Variants in ANK2 observed in about 807,000 individuals in gnomAD.
ANK2 encodes the protein ankyrin 2.
Under a neutral mutation model 360.5 loss-of-function variants are expected in ANK2, and 83 were observed. The ratio of observed to expected loss-of-function variants is 0.23; its 90% confidence interval spans 0.19 to 0.28. ANK2 has a LOEUF of 0.28. Ranked by LOEUF, ANK2 falls within the 10% of genes least tolerant of loss-of-function variation. The pLI is 1.00. For synonymous variants in ANK2, 1,740 were observed against 1,759.5 expected (o/e 0.99, Z 0.28); for missense variants, 4,201 against 4,795.7 (o/e 0.88, Z 3.66).
At chr4:113,151,640 T>C (rs1162348812) in intron 1 of ANK2, among the ~76,000 whole-genome samples, 1 of 152,180 alleles carries the variant, frequency 6.6e-6, no homozygotes, top group Non-Finnish European at 1.5e-5. Flanking sequence ...GAGTCAAATA[T>C]GGAAACCACA....
At chr4:113,013,625 A>G (rs1240698010) in intron 2 of ANK2, among the ~76,000 whole-genome samples, 2 of 152,256 alleles carry the variant, frequency 1.3e-5, no homozygotes, top group African/African-American at 4.8e-5. Context: ...ATAAAGAGAC[A>G]TAAAACATAT....
intron 2 of ANK2, among the ~76,000 whole-genome samples, chr4:112,956,976 T>G (rs1288392718): frequency 6.6e-6 from 1 of 151,686 alleles, no homozygotes; most frequent in Non-Finnish European, 1.5e-5. Context: ...TAAATTATTG[T>G]ATCCTCTAAA....
chr4:113,203,508 A>G (rs1333407667), intron 4 of ANK2, among the ~76,000 whole-genome samples: 4 of 151,728 alleles, frequency 2.6e-5, no homozygotes, highest in African/African-American at 9.7e-5. Context: ...TTTTTCTCAC[A>G]CTTCTTTATA....
the ANK2 span, among the ~76,000 whole-genome samples, chr4:112,751,343 C>T: frequency 6.6e-6 from 1 of 152,218 alleles, no homozygotes; most frequent in African/African-American, 2.4e-5. Flanking sequence ...GCACAGTTAA[C>T]AGCACTGGAA....
chr4:112,969,031 C>T (rs2038431333), intron 2 of ANK2, among the ~76,000 whole-genome samples: 3 of 152,076 alleles, frequency 2.0e-5, no homozygotes, highest in Admixed American at 2.0e-4. Flanking sequence ...TGCTGAGGGC[C>T]TTGTATATGT....
At chr4:112,809,428 G>A in the ANK2 span, among the ~76,000 whole-genome samples, 2 of 151,452 alleles carry the variant, frequency 1.3e-5, no homozygotes, top group Non-Finnish European at 2.9e-5. Flanking sequence ...GGGCATGGTG[G>A]CAGGTGCCTG....
At chr4:113,019,706 C>T (rs1196965591) in intron 2 of ANK2, among the ~76,000 whole-genome samples, 1 of 151,998 alleles carries the variant, frequency 6.6e-6, no homozygotes, top group East Asian at 1.9e-4. Context: ...GGTTTTGAAA[C>T]TTTATTATGT....
At chr4:113,148,401 T>G (rs888308006) in intron 1 of ANK2, among the ~76,000 whole-genome samples, 1 of 152,218 alleles carries the variant, frequency 6.6e-6, no homozygotes, top group Non-Finnish European at 1.5e-5. Flanking sequence ...CCTAGCTGAT[T>G]TTCAAGTTAT....
chr4:112,900,055 T>C (rs1245506599), intron 1 of ANK2, among the ~76,000 whole-genome samples: 1 of 152,170 alleles, frequency 6.6e-6, no homozygotes, highest in Non-Finnish European at 1.5e-5. Context: ...TGGACCAAAG[T>C]AAGGAGAATA....
chr4:112,933,588 C>T (rs1171588757), intron 2 of ANK2, among the ~76,000 whole-genome samples: 1 of 151,842 alleles, frequency 6.6e-6, no homozygotes, highest in African/African-American at 2.4e-5. Context: ...GCAACCTCTG[C>T]CTCCTGGGTT....
At chr4:113,231,008 C>G (rs769182441) in intron 4 of ANK2, among the ~76,000 whole-genome samples, 2 of 151,540 alleles carry the variant, frequency 1.3e-5, no homozygotes, top group Non-Finnish European at 1.5e-5. Flanking sequence ...ACCATGCTGC[C>G]TCAGTCACAA....
intron 1 of ANK2, among the ~76,000 whole-genome samples, chr4:113,059,952 G>A (rs1426564140): frequency 6.6e-6 from 1 of 152,120 alleles, no homozygotes; most frequent in Non-Finnish European, 1.5e-5. Flanking sequence ...CTTAACTGAA[G>A]AGAGTAGCTG....
intron 2 of ANK2, among the ~76,000 whole-genome samples, chr4:112,969,712 C>T (rs1413509493): frequency 6.6e-6 from 1 of 152,176 alleles, no homozygotes; most frequent in Admixed American, 6.5e-5. Context: ...TTCATTCTTA[C>T]ATCTAACCCA....
intron 2 of ANK2, among the ~76,000 whole-genome samples, chr4:112,967,713 T>C (rs1210948066): frequency 6.6e-6 from 1 of 152,240 alleles, no homozygotes; most frequent in Non-Finnish European, 1.5e-5. Context: ...TATCAGTTTT[T>C]ATTTTAGCTG....
intron 1 of ANK2, among the ~76,000 whole-genome samples, chr4:112,872,652 G>A (rs2073618124): frequency 6.6e-6 from 1 of 152,128 alleles, no homozygotes; most frequent in Admixed American, 6.5e-5. Flanking sequence ...GTATTCTTAA[G>A]GGATATTCTT....
At chr4:113,256,008 A>G in intron 11 of ANK2, 76 bp downstream of exon 11, 1 of 1,504,254 alleles carries the variant, frequency 6.6e-7, no homozygotes, top group African/African-American at 1.4e-5. Flanking sequence ...CAACATGCAT[A>G]CACCAGCAAT....
chr4:113,024,497 T>A (rs1268105049), intron 2 of ANK2, among the ~76,000 whole-genome samples: 1 of 152,214 alleles, frequency 6.6e-6, no homozygotes, highest in Non-Finnish European at 1.5e-5. Context: ...TTTTGTTTTT[T>A]AATCTAGCAC....
chr4:113,356,196 G>A lies in ANK2; in HGVS notation c.7578G>A (p.Ser2526=), dbSNP rs74930244. ...AGGATGACAGTCTTGAGCAGACATC[G>A]CTCATGGAGAGCTCAGGGAAGAGCC... ...SAEDDSLEQT[S]LMESSGKSPL... is the part of the protein sequence containing the mutation. The change falls in exon 38 of 46, where the codon TCG becomes TCA. Residue 2526 remains serine (S), a synonymous_variant. Transcript: ENST00000357077. The A allele has an allele frequency of 2.2e-5, 35 of 1,613,834 alleles. No homozygotes were observed. The highest frequency in any genetic ancestry group is 1.1e-4 in the East Asian group (5 of 44,830).
chr4:113,107,104 A>G, intron 1 of ANK2: 2 of 302,868 alleles, frequency 6.6e-6, no homozygotes, highest in Non-Finnish European at 1.3e-5. Flanking sequence ...AATGAAGCCC[A>G]TTAACAAAAA....
Sources: allele counts gnomAD v4.1 joint callset (sites outside exome capture counted in the v4.1 genomes callset), GRCh38; gene constraint gnomAD v4.1.1; transcripts MANE v1.5; gene names NCBI Gene and HGNC (gene_info 2026-07-23, HGNC 2026-07-21).